TMEM123: variants seen among roughly 807,000 people sequenced by gnomAD.
TMEM123 encodes the protein transmembrane protein 123.
TMEM123 carries 16 observed loss-of-function variants against 19.7 expected under a neutral mutation model. The observed-to-expected ratio is 0.81, with a 90% CI of 0.55 to 1.23. The LOEUF is 1.23. TMEM123 is among the 50% of genes most tolerant of loss of function. TMEM123 has a pLI of 0.00. For missense variants in TMEM123, 313 were observed against 257.8 expected, an observed-to-expected ratio of 1.21 and a Z score of -1.47; for synonymous variants, 118 against 99.4, an observed-to-expected ratio of 1.19 and a Z score of -1.12.
intron 2 of TMEM123, among the ~76,000 whole-genome samples, chr11:102,436,568 G>C (rs772600712): frequency 6.6e-6 from 1 of 151,822 alleles, no homozygotes; most frequent in African/African-American, 2.4e-5. Flanking sequence ...TAAAAAACAC[G>C]GACACACAAA....
chr11:102,406,889 T>C (rs1413616799), intron 2 of TMEM123, among the ~76,000 whole-genome samples: 4 of 142,224 alleles, frequency 2.8e-5, no homozygotes, highest in Non-Finnish European at 1.5e-5. Context: ...AAAAAAAAGA[T>C]AGCTTCCCAA....
chr11:102,411,044 G>A (rs1352303344), intron 2 of TMEM123, among the ~76,000 whole-genome samples: 1 of 152,030 alleles, frequency 6.6e-6, no homozygotes, highest in Admixed American at 6.6e-5. Flanking sequence ...TGAATGATGG[G>A]AGCGTCTTTG....
intron 2 of TMEM123, among the ~76,000 whole-genome samples, chr11:102,404,916 T>C (rs1013441334): frequency 5.3e-5 from 8 of 152,214 alleles, no homozygotes; most frequent in African/African-American, 1.9e-4. Flanking sequence ...TATTTATTTT[T>C]GACTTAACTG....
intron 2 of TMEM123, among the ~76,000 whole-genome samples, chr11:102,431,294 G>C (rs918591494): frequency 6.6e-6 from 1 of 152,164 alleles, no homozygotes; most frequent in Non-Finnish European, 1.5e-5. Context: ...AATTACAGCT[G>C]TATAAATTTA....
At chr11:102,412,779 CT>C (rs1384980997) in intron 2 of TMEM123, among the ~76,000 whole-genome samples, 1 of 152,040 alleles carries the variant, frequency 6.6e-6, no homozygotes, top group Non-Finnish European at 1.5e-5. Flanking sequence ...AAAGTAGATA[CT>C]TTTTATAGAG....
intron 2 of TMEM123, among the ~76,000 whole-genome samples, chr11:102,441,658 T>C (rs1173293684): frequency 6.7e-6 from 1 of 149,960 alleles, no homozygotes; most frequent in Non-Finnish European, 1.5e-5. Context: ...GCAAACACAT[T>C]CAAAAGCTAG....
chr11:102,409,136 C>T (rs897960252), intron 2 of TMEM123, among the ~76,000 whole-genome samples: 5 of 152,146 alleles, frequency 3.3e-5, no homozygotes, highest in African/African-American at 1.2e-4. Flanking sequence ...TGAAAATACA[C>T]ATCCAATTTT....
intron 2 of TMEM123, among the ~76,000 whole-genome samples, chr11:102,439,843 T>G (rs563510089): frequency 1.1e-4 from 17 of 151,898 alleles, no homozygotes; most frequent in Non-Finnish European, 2.1e-4. Context: ...ATAAATAGCA[T>G]AGAGAAGACC....
intron 2 of TMEM123, among the ~76,000 whole-genome samples, chr11:102,440,690 A>G (rs1857816214): frequency 1.3e-5 from 2 of 152,226 alleles, no homozygotes; most frequent in Admixed American, 6.5e-5. Context: ...ATCAAATCAC[A>G]CATAACAATA....
chr11:102,398,982 C>G (rs1029844109), intron 4 of TMEM123, 91 bp from the exon 5 acceptor site: 39 of 1,152,466 alleles, frequency 3.4e-5, no homozygotes, highest in Non-Finnish European at 4.8e-5. Context: ...AGGATTAGAA[C>G]AATTTCAAGC....
rs1469648998 is a variant in TMEM123, at chr11:102,398,844, C to T, written c.*23G>A. 6.2e-7 allele frequency: 1 copy of T among 1,609,530 alleles called. No homozygotes were observed. The highest frequency in any genetic ancestry group is 8.5e-7 in the Non-Finnish European group (1 of 1,178,310). On this transcript the variant is annotated 3_prime_UTR_variant, in exon 5 of 5. Coordinates refer to ENST00000398136, the MANE Select transcript of TMEM123 (RefSeq NM_052932.3). ...TGATAGGGCAGCATCAATCTGTATT[C>T]CATCCTTGGTCCATGGATTTCCTTA...
chr11:102,409,281 C>CTGG (rs1356323146), intron 2 of TMEM123, among the ~76,000 whole-genome samples: 3 of 152,120 alleles, frequency 2.0e-5, no homozygotes, highest in Non-Finnish European at 4.4e-5. Context: ...GTCTGTGATT[C>CTGG]TAAGAATGGT....
chr11:102,431,696 T>C (rs1401369649), intron 2 of TMEM123, among the ~76,000 whole-genome samples: 1 of 152,054 alleles, frequency 6.6e-6, no homozygotes, highest in Non-Finnish European at 1.5e-5. Context: ...TCCATTCATC[T>C]GCTGATAAAC....
chr11:102,408,134 C>T (rs1951971517), intron 2 of TMEM123, among the ~76,000 whole-genome samples: 1 of 152,052 alleles, frequency 6.6e-6, no homozygotes, highest in Non-Finnish European at 1.5e-5. Flanking sequence ...CTCTATTTAA[C>T]TCCTGGTTTC....
At chr11:102,444,723 T>C (rs147079385) in intron 2 of TMEM123, among the ~76,000 whole-genome samples, 1 of 151,694 alleles carries the variant, frequency 6.6e-6, no homozygotes, top group East Asian at 1.9e-4. Context: ...TGCACACACA[T>C]GTTTATTGCA....
intron 2 of TMEM123, among the ~76,000 whole-genome samples, chr11:102,416,046 C>G (rs1307442504): frequency 1.3e-5 from 2 of 152,092 alleles, no homozygotes; most frequent in Admixed American, 6.5e-5. Context: ...TCCCAAGTAC[C>G]TGGGACTACA....
At chr11:102,408,661 C>G (rs1951976644) in intron 2 of TMEM123, among the ~76,000 whole-genome samples, 1 of 152,188 alleles carries the variant, frequency 6.6e-6, no homozygotes, top group Non-Finnish European at 1.5e-5. Flanking sequence ...TTAAATGTAA[C>G]TCCCCTACAG....
At chr11:102,402,670 T>G (rs966051703) in intron 2 of TMEM123, among the ~76,000 whole-genome samples, 1 of 152,258 alleles carries the variant, frequency 6.6e-6, no homozygotes, top group Non-Finnish European at 1.5e-5. Flanking sequence ...AGTAGCTGCA[T>G]GTTTCTAACC....
intron 2 of TMEM123, among the ~76,000 whole-genome samples, chr11:102,445,326 T>C (rs1190842692): frequency 6.7e-6 from 1 of 148,356 alleles, no homozygotes; most frequent in Non-Finnish European, 1.5e-5. Context: ...AGTATTGATA[T>C]CTCTATGTCT....
Sources: allele counts gnomAD v4.1 joint callset (sites outside exome capture counted in the v4.1 genomes callset), GRCh38; gene constraint gnomAD v4.1.1; transcripts MANE v1.5; gene names NCBI Gene and HGNC (gene_info 2026-07-23, HGNC 2026-07-21).